Variants in CLDN10 observed in about 807,000 individuals in gnomAD.
The protein encoded by CLDN10 is claudin 10.
CLDN10 carries 15 observed loss-of-function variants against 22.9 expected under a neutral mutation model. That is an observed-to-expected ratio of 0.65 (90% CI 0.44 to 1.01). The LOEUF is 1.01. Among genes scored for constraint, CLDN10 ranks in the 50% least tolerant of loss-of-function variants. The pLI, the probability that CLDN10 is intolerant of heterozygous loss-of-function variation, is 0.00. For missense variants in CLDN10, 247 were observed against 287.8 expected, an observed-to-expected ratio of 0.86 and a Z score of 1.03; for synonymous variants, 114 against 111.4, an observed-to-expected ratio of 1.02 and a Z score of -0.15.
chr13:95,442,440 G>A (rs980057990), intron 1 of CLDN10, among the ~76,000 whole-genome samples: 1 of 152,200 alleles, frequency 6.6e-6, no homozygotes, highest in Non-Finnish European at 1.5e-5. Flanking sequence ...TGCTCATGAT[G>A]TGAAGGATAT....
intron 1 of CLDN10, among the ~76,000 whole-genome samples, chr13:95,479,173 A>C (rs1444951926): frequency 6.6e-6 from 1 of 152,152 alleles, no homozygotes; most frequent in African/African-American, 2.4e-5. Flanking sequence ...ACATGGTGAA[A>C]CCGTATCTCT....
chr13:95,522,886 C>T (rs926178231), intron 1 of CLDN10, among the ~76,000 whole-genome samples: 3 of 151,870 alleles, frequency 2.0e-5, no homozygotes, highest in African/African-American at 4.8e-5. Context: ...TTTTAGGTAG[C>T]ATTCACATTA....
intron 1 of CLDN10, among the ~76,000 whole-genome samples, chr13:95,482,263 A>G (rs1235863319): frequency 2.6e-5 from 4 of 152,202 alleles, no homozygotes; most frequent in African/African-American, 9.7e-5. Flanking sequence ...TTTAAAATGT[A>G]AAAAACATTT....
chr13:95,546,648 G>A (rs1004736340), intron 1 of CLDN10, among the ~76,000 whole-genome samples: 13 of 152,180 alleles, frequency 8.5e-5, no homozygotes, highest in Non-Finnish European at 1.6e-4. Flanking sequence ...GGACTTCTGA[G>A]TAGTTTGGAA....
intron 3 of CLDN10, among the ~76,000 whole-genome samples, chr13:95,575,624 G>C (rs535735126): frequency 7.7e-6 from 1 of 130,052 alleles, no homozygotes; most frequent in Non-Finnish European, 1.8e-5. Context: ...GTTTTTCCTC[G>C]CTTATACAAA....
intron 1 of CLDN10, among the ~76,000 whole-genome samples, chr13:95,519,325 T>C (rs1477271732): frequency 6.6e-6 from 1 of 152,202 alleles, no homozygotes; most frequent in African/African-American, 2.4e-5. Context: ...TGTGACTCTC[T>C]GGGCCTTTCT....
At chr13:95,445,045 G>A (rs921603951) in intron 1 of CLDN10, among the ~76,000 whole-genome samples, 4 of 152,182 alleles carry the variant, frequency 2.6e-5, no homozygotes, top group African/African-American at 7.2e-5. Flanking sequence ...CAAAGTGCTG[G>A]GATTACAGGC....
At chr13:95,577,542 G>A (rs543212088) in intron 4 of CLDN10, among the ~76,000 whole-genome samples, 22 of 152,320 alleles carry the variant, frequency 1.4e-4, no homozygotes, top group African/African-American at 5.3e-4. Flanking sequence ...ATAAGGGTCT[G>A]AATATGAGGA....
rs544207156 is a variant in CLDN10, at chr13:95,556,820, C to T, written c.221-3312C>T. ...CATCAACTAGCACAGGTGCTATTAG[C>T]GAATTGTCTCCACCAAGTGGATGTT... On this transcript the variant is annotated intron_variant, in intron 1 of 4. Transcript: ENST00000299339. Among the ~76,000 whole-genome samples the T allele has an allele frequency of 3.9e-5, 6 of 152,330 alleles. No homozygotes were observed. The South Asian group carries it at 1.2e-3, about 32-fold the overall frequency.
At position 95,473,045 on chromosome 13, in the gene CLDN10, TAGA is replaced by T. The variant is rs1056098326; in HGVS notation, c.214+39001_214+39003del. On this transcript the variant is annotated intron_variant, in intron 1 of 4. Coordinates refer to the CLDN10 transcript ENST00000376873. ...GTCCCAGCTACTCAACAGGCTGAGGTAGAAGGATTGTTTAAGCCCAGGAGTTTG... is the reference window on the plus strand; with the variant it reads ...GTCCCAGCTACTCAACAGGCTGAGGTAGGATTGTTTAAGCCCAGGAGTTTG... 7.4e-5 allele frequency among the ~76,000 whole-genome samples: 11 copies of T among 149,054 alleles called. No homozygotes were observed. In the South Asian group the frequency reaches 1.1e-3, roughly 14 times the overall value.
chr13:95,440,765 G>T (rs993602769), intron 1 of CLDN10, among the ~76,000 whole-genome samples: 33 of 152,230 alleles, frequency 2.2e-4, no homozygotes, highest in African/African-American at 8.0e-4. Context: ...TTTCGCAGTA[G>T]AATCTAGACA....
chr13:95,567,846 G>A (rs1053239875), intron 3 of CLDN10, among the ~76,000 whole-genome samples: 3 of 152,148 alleles, frequency 2.0e-5, no homozygotes, highest in Admixed American at 6.6e-5. Flanking sequence ...GTTGAATTTT[G>A]TCGAAGGCCT....
intron 1 of CLDN10, among the ~76,000 whole-genome samples, chr13:95,516,101 G>C (rs2209533): frequency 0.99 from 150,886 of 151,816 alleles, 74,991 homozygotes; most frequent in Non-Finnish European, 1. Flanking sequence ...AAAAAAAGAT[G>C]TCCTTTATAA....
chr13:95,570,858 G>GTGTGTATATATATATATATATATA (rs60359070), intron 3 of CLDN10, among the ~76,000 whole-genome samples: 2 of 119,706 alleles, frequency 1.7e-5, no homozygotes, highest in Non-Finnish European at 1.7e-5. Flanking sequence ...ATATACGTGT[G>GTGTGTATATATATATATATATATA]TATATATATA....
At chr13:95,523,524 T>G (rs2043243433) in intron 1 of CLDN10, among the ~76,000 whole-genome samples, 1 of 152,254 alleles carries the variant, frequency 6.6e-6, no homozygotes, top group Non-Finnish European at 1.5e-5. Flanking sequence ...AGGTAAATAT[T>G]TGCCGTTTAT....
chr13:95,502,797 A>T (rs968785529), intron 1 of CLDN10, among the ~76,000 whole-genome samples: 2 of 152,202 alleles, frequency 1.3e-5, no homozygotes, highest in African/African-American at 4.8e-5. Context: ...CTGGGACTAC[A>T]GGCATGAGCC....
At chr13:95,500,890 T>C (rs1378098714) in intron 1 of CLDN10, among the ~76,000 whole-genome samples, 1 of 152,142 alleles carries the variant, frequency 6.6e-6, no homozygotes, top group African/African-American at 2.4e-5. Context: ...ACAATTCTCC[T>C]GGGAAACAAA....
intron 3 of CLDN10, among the ~76,000 whole-genome samples, chr13:95,576,449 C>T (rs2043927498): frequency 6.6e-6 from 1 of 152,202 alleles, no homozygotes; most frequent in Non-Finnish European, 1.5e-5. Context: ...CTGGAGAAAG[C>T]TAAACAAACA....
chr13:95,434,038 A>C (rs777405389), exon 1 of CLDN10: 1 of 1,613,876 alleles, frequency 6.2e-7, no homozygotes, highest in South Asian at 1.1e-5. Flanking sequence ...TACTATCTTC[A>C]AAGTAGCAGG....
Sources: gnomAD v4.1 joint callset for allele counts (sites outside exome capture counted in the v4.1 genomes callset) on GRCh38, gnomAD v4.1.1 for gene constraint, MANE v1.5 for transcripts, NCBI Gene and HGNC (gene_info 2026-07-23, HGNC 2026-07-21) for gene names.